Variants in WFDC8 observed in about 807,000 individuals in gnomAD.
WFDC8 encodes the protein WAP four-disulfide core domain protein 8.
Under a neutral mutation model 27.0 loss-of-function variants are expected in WFDC8, and 24 were observed. That is an observed-to-expected ratio of 0.89 (90% CI 0.64 to 1.25). The LOEUF (loss-of-function observed/expected upper bound fraction) is 1.25. Among genes scored for constraint, WFDC8 ranks in the 50% most tolerant of loss-of-function variants. The pLI is 0.00. For synonymous variants in WFDC8, 106 were observed against 99.7 expected (o/e 1.06, Z -0.38); for missense variants, 287 against 295.9 (o/e 0.97, Z 0.22).
chr20:45,562,345 G>T (rs56199320), intron 1 of WFDC8, 126 bp from the exon 2 acceptor site: 7,968 of 724,864 alleles, frequency 0.011, 78 homozygotes, highest in Middle Eastern at 0.033. Flanking sequence ...ACTGACACCA[G>T]CATGGGGAAG....
At chr20:45,558,427 A>C (rs527912977) in intron 3 of WFDC8, among the ~76,000 whole-genome samples, 1 of 152,364 alleles carries the variant, frequency 6.6e-6, no homozygotes, top group Non-Finnish European at 1.5e-5. Context: ...GTGAGTGAAT[A>C]AATGAATCTT....
chr20:45,564,549 C>T (rs1312216212), intron 1 of WFDC8, among the ~76,000 whole-genome samples: 2 of 152,022 alleles, frequency 1.3e-5, no homozygotes, highest in East Asian at 3.9e-4. Flanking sequence ...TGGCGGGTGC[C>T]TGTAGTCCCA....
At chr20:45,572,225 G>A (rs367932090) in intron 1 of WFDC8, among the ~76,000 whole-genome samples, 134 of 151,872 alleles carry the variant, frequency 8.8e-4, no homozygotes, top group African/African-American at 3.0e-3. Flanking sequence ...GTGAAACCCC[G>A]TCTCTACTAA....
intron 1 of WFDC8, among the ~76,000 whole-genome samples, chr20:45,574,455 CAA>C (rs34142873): frequency 1.3e-4 from 17 of 126,220 alleles, no homozygotes; most frequent in Admixed American, 4.6e-4. Flanking sequence ...CAAAAATTCT[CAA>C]AAAAAAAAAA....
Position 45,558,922 on chromosome 20 carries a change from A to G in WFDC8, c.207T>C (p.Asp69=), listed in dbSNP as rs180985830. The change falls in exon 3 of 6, where the codon GAT becomes GAC. Residue 69 remains aspartate, a synonymous_variant. Coordinates refer to ENST00000289953, the MANE Select transcript of WFDC8 (RefSeq NM_130896.3). The part of the protein sequence containing the change: ...TTELPDSCNT[D]FDCKEYQKCC... ...ACTTCTGGTATTCCTTGCAGTCAAA[A>G]TCTGTGTTACATGAGTCCGGAAGTT... 2.4e-5 allele frequency: 39 copies of G among 1,614,178 alleles called. No homozygotes were observed. The highest frequency in any genetic ancestry group is 1.7e-4 in the Admixed American group (10 of 60,026).
chr20:45,574,613 G>C (rs1980982350), intron 1 of WFDC8, among the ~76,000 whole-genome samples: 1 of 152,090 alleles, frequency 6.6e-6, no homozygotes, highest in Non-Finnish European at 1.5e-5. Flanking sequence ...TGGCCAACAG[G>C]GCAAAACCCT....
At chr20:45,572,415 A>G (rs1980901557) in intron 1 of WFDC8, among the ~76,000 whole-genome samples, 1 of 151,402 alleles carries the variant, frequency 6.6e-6, no homozygotes, top group Admixed American at 6.6e-5. Context: ...AAAAAAAAAA[A>G]AAGAATTCCC....
At chr20:45,575,116 G>A (rs756031131) in intron 1 of WFDC8, among the ~76,000 whole-genome samples, 1 of 152,160 alleles carries the variant, frequency 6.6e-6, no homozygotes, top group South Asian at 2.1e-4. Context: ...GGAACAAGAC[G>A]AGAATGCCAA....
In WFDC8 at chr20:45,559,629, G is replaced by A. The variant is rs911579948; in HGVS notation, c.137-637C>T. 22 of 152,238 alleles carry A rather than the reference G, an allele frequency of 1.4e-4. 1 individual carries two copies. The highest frequency in any genetic ancestry group is 1.2e-3 in the Admixed American group (19 of 15,276). 9.4% of individuals were successfully genotyped at this position (152,238 alleles called of 1,614,324 possible). ...AATGACAATTCCTGCCTTACAGGCTGATTATAAGAGTTAAATGGGGTGATG... is the reference window on the plus strand; with the variant it reads ...AATGACAATTCCTGCCTTACAGGCTAATTATAAGAGTTAAATGGGGTGATG... On this transcript the variant is annotated intron_variant, in intron 2 of 5. Transcript: ENST00000289953.
chr20:45,566,314 T>C (rs2145572073), intron 1 of WFDC8, among the ~76,000 whole-genome samples: 1 of 152,340 alleles, frequency 6.6e-6, no homozygotes, highest in South Asian at 2.1e-4. Flanking sequence ...AATTAGATCA[T>C]TAAAATAATT....
rs1202513605 is a variant in WFDC8 at position 45,555,827 on chromosome 20, CATG to C, written c.316_318del (p.His106del). On this transcript the variant is annotated inframe_deletion, in exon 4 of 6. Transcript: ENST00000289953. ...AAGTCAAAATGCCAGCGCTGTGCCTCATGATTACAGTTTCCATGCCTCACAGGT... is the reference window on the plus strand; with the variant it reads ...AAGTCAAAATGCCAGCGCTGTGCCTCATTACAGTTTCCATGCCTCACAGGT... The C allele has an allele frequency of 3.1e-6, 5 of 1,613,904 alleles. No homozygotes were observed. The highest frequency in any genetic ancestry group is 4.2e-6 in the Non-Finnish European group (5 of 1,179,990).
intron 1 of WFDC8, among the ~76,000 whole-genome samples, chr20:45,564,649 T>C (rs1457225396): frequency 7.0e-6 from 1 of 142,614 alleles, no homozygotes; most frequent in Non-Finnish European, 1.5e-5. Context: ...CACTCCAGCC[T>C]GGGCAATAGA....
intron 1 of WFDC8, among the ~76,000 whole-genome samples, chr20:45,566,912 C>T (rs1457438420): frequency 6.6e-6 from 1 of 152,114 alleles, no homozygotes; most frequent in Non-Finnish European, 1.5e-5. Flanking sequence ...TTGCATATAA[C>T]CTACATTCAT....
chr20:45,562,357 AGTCT>A lies in WFDC8; in HGVS notation c.27-142_27-139del, dbSNP rs1315879220. ...AAGACTGACACCAGCATGGGGAAGGAGTCTGTCTGAGGTCAGATGGTGAGTTAAG... is the reference window on the plus strand; with the variant it reads ...AAGACTGACACCAGCATGGGGAAGGAGTCTGAGGTCAGATGGTGAGTTAAG... On this transcript the variant is annotated intron_variant, in intron 1 of 5. Transcript: ENST00000289953. The A allele has an allele frequency of 2.5e-5, 17 of 684,344 alleles. 1 individual carries two copies. The highest frequency in any genetic ancestry group is 3.8e-4 in the Middle Eastern group (1 of 2,644). The allele number at this position is 684,344 out of a possible 1,614,324, so 42.4% of individuals were successfully genotyped here.
At chr20:45,563,934 G>A (rs1394390563) in intron 1 of WFDC8, among the ~76,000 whole-genome samples, 1 of 152,144 alleles carries the variant, frequency 6.6e-6, no homozygotes, top group East Asian at 1.9e-4. Flanking sequence ...CATAATAGAG[G>A]ATGTCCATTT....
At chr20:45,572,799 G>T (rs1206369076) in intron 1 of WFDC8, among the ~76,000 whole-genome samples, 1 of 152,140 alleles carries the variant, frequency 6.6e-6, no homozygotes, top group Non-Finnish European at 1.5e-5. Flanking sequence ...TAGAGACAGG[G>T]TTTCACCATG....
chr20:45,578,869 C>T (rs1394124779), intron 1 of WFDC8, among the ~76,000 whole-genome samples: 1 of 152,172 alleles, frequency 6.6e-6, no homozygotes, highest in Non-Finnish European at 1.5e-5. Flanking sequence ...CCAACTTACC[C>T]TACTTGGGCT....
intron 1 of WFDC8, among the ~76,000 whole-genome samples, chr20:45,566,208 TA>T (rs111755465): frequency 0.38 from 58,083 of 151,734 alleles, 11,573 homozygotes; most frequent in Non-Finnish European, 0.43. Context: ...TTCTACCAGC[TA>T]AAAAAACAAA....
intron 1 of WFDC8, among the ~76,000 whole-genome samples, chr20:45,565,805 T>C (rs1980656688): frequency 6.6e-6 from 1 of 152,166 alleles, no homozygotes; most frequent in African/African-American, 2.4e-5. Context: ...TTGATTTGAA[T>C]TGAAAAATGA....
Sources: gnomAD v4.1 joint callset for allele counts (sites outside exome capture counted in the v4.1 genomes callset) on GRCh38, gnomAD v4.1.1 for gene constraint, MANE v1.5 for transcripts, NCBI Gene and HGNC (gene_info 2026-07-23, HGNC 2026-07-21) for gene names.